The following PMPCB variants were observed in gnomAD, a reference collection of about 807,000 sequenced individuals.
PMPCB encodes peptidase, mitochondrial processing subunit beta.
Under a neutral mutation model 61.5 loss-of-function variants are expected in PMPCB, and 46 were observed. The ratio of observed to expected loss-of-function variants is 0.75; its 90% CI spans 0.59 to 0.96. PMPCB has a LOEUF of 0.96. Among genes scored for constraint, PMPCB ranks in the 40% least tolerant of loss-of-function variants. The pLI, the probability that PMPCB is intolerant of heterozygous loss-of-function variation, is 0.00. For synonymous variants in PMPCB, 191 were observed against 201.6 expected, an observed-to-expected ratio of 0.95 and a Z score of 0.44; for missense variants, 590 against 602.4, an observed-to-expected ratio of 0.98 and a Z score of 0.22.
chr7:103,298,534 T>C, intron 1 of PMPCB, 34 bp from the exon 2 acceptor site: 2 of 1,604,778 alleles, frequency 1.2e-6, no homozygotes, highest in Non-Finnish European at 1.7e-6. Context: ...TAATGTGTTT[T>C]GCTTTGTCTC....
chr7:103,324,604 T>C (rs1019485507), intron 12 of PMPCB: 6 of 1,378,004 alleles, frequency 4.4e-6, no homozygotes, highest in African/African-American at 1.5e-5. Flanking sequence ...CTTCAAAAAT[T>C]ATGTACAACA....
chr7:103,341,712 G>T, the PMPCB span: 2 of 1,390,064 alleles, frequency 1.4e-6, no homozygotes, highest in East Asian at 4.7e-5. Flanking sequence ...TAAGAAAATT[G>T]TCTATGTCTA....
exon 13 of PMPCB, chr7:103,314,680 TAACTCAGCCA>T (rs1363447757): frequency 1.0e-6 from 1 of 983,552 alleles, no homozygotes; most frequent in East Asian, 1.1e-4. Context: ...AAATAATGCC[TAACTCAGCCA>T]AACAAGTCAC....
the PMPCB span, among the ~76,000 whole-genome samples, chr7:103,342,542 T>A: frequency 2.0e-5 from 3 of 152,018 alleles, no homozygotes; most frequent in Non-Finnish European, 1.5e-5. Flanking sequence ...CGACCTCAGG[T>A]GATCTGCCTG....
rs1443133256 is a variant in PMPCB, at chr7:103,303,882, G to A, written c.498G>A (p.Leu166=). 1.9e-6 allele frequency: 3 copies of A among 1,613,656 alleles called. No individual in the cohort carries two copies. In the South Asian group the frequency reaches 3.3e-5, roughly 18 times the overall value. ...CTGATATAATACAAAACAGCACATT[G>A]GGAGAAGCAGAGATTGAACGTGAGC... The part of the protein sequence containing the change: ...ILADIIQNST[L]GEAEIERERG... The change falls in exon 5 of 13, where the codon TTG becomes TTA. Residue 166 remains leucine (L), a synonymous_variant. Coordinates refer to ENST00000249269, the MANE Select transcript of PMPCB (RefSeq NM_004279.3).
intron 12 of PMPCB, chr7:103,327,329 T>TA (rs563045749): frequency 4.7e-6 from 6 of 1,283,170 alleles, no homozygotes; most frequent in Non-Finnish European, 6.1e-6. Context: ...ATAGAACACT[T>TA]ACATGAATTA....
downstream of PMPCB, among the ~76,000 whole-genome samples, chr7:103,315,021 G>A (rs1817968615): frequency 6.6e-6 from 1 of 152,090 alleles, no homozygotes; most frequent in Non-Finnish European, 1.5e-5. Context: ...AGTTTCACAA[G>A]TATACCCACC....
chr7:103,327,322 G>C (rs1215547331), intron 12 of PMPCB: 1 of 1,252,950 alleles, frequency 8.0e-7, no homozygotes. Flanking sequence ...TCATTAAATA[G>C]AACACTTACA....
At position 103,310,345 on chromosome 7, in the gene PMPCB, T is replaced by G; in HGVS notation, c.1024T>G (p.Cys342Gly). The change falls in exon 9 of 13, where the codon TGT becomes GGT. Residue 342 changes from cysteine (C) to glycine (G), a missense_variant. Physicochemically the swap from Cys to Gly is radical, Grantham distance 159. Coordinates refer to ENST00000249269, the MANE Select transcript of PMPCB (RefSeq NM_004279.3). ...ATCTAGCAAGCTGGCCCAGCTCACT[T>G]GTCATGGCAATCTTTGCCATAGCTT... ...NLSSKLAQLTCHGNLCHSFQS... is the reference protein window; with the variant it reads ...NLSSKLAQLTGHGNLCHSFQS... 1 of 1,613,740 alleles carries G rather than the reference T, an allele frequency of 6.2e-7. No individual in the cohort carries two copies. Among genetic ancestry groups the G allele is most frequent in the East Asian group, 2.2e-5 (1 of 44,844 alleles).
In PMPCB at chr7:103,312,892, A is replaced by G. The variant is rs907672742; in HGVS notation, c.*621A>G. 4 of 1,571,936 alleles carry G rather than the reference A, an allele frequency of 2.5e-6. No individual in the cohort carries two copies. Among genetic ancestry groups the G allele is most frequent in the Non-Finnish European group, 3.4e-6 (4 of 1,164,680 alleles). On this transcript the variant is annotated 3_prime_UTR_variant, in exon 13 of 13. Transcript: ENST00000249269. ...TTAATAGACATAAAATATGAGCTAT[A>G]TCACCCAAGCTACAATTTAAAATAC...
At chr7:103,307,516 A>G (rs1817621917) in intron 6 of PMPCB, 80 bp from the exon 7 acceptor site, 2 of 788,460 alleles carry the variant, frequency 2.5e-6, no homozygotes, top group Non-Finnish European at 2.2e-6. Flanking sequence ...TGTGTAATGT[A>G]CATCACATTA....
chr7:103,304,131 GT>G, intron 5 of PMPCB, 91 bp downstream of exon 5: 1 of 1,047,110 alleles, frequency 9.6e-7, no homozygotes. Flanking sequence ...GTTTCAGAAA[GT>G]AATTTTCCCC....
the PMPCB span, among the ~76,000 whole-genome samples, chr7:103,342,247 T>C: frequency 1.3e-5 from 2 of 151,872 alleles, no homozygotes; most frequent in Admixed American, 6.6e-5. Flanking sequence ...ATGAGTAAGG[T>C]GAGGAACAGG....
chr7:103,303,037 T>C (rs1321939124), intron 4 of PMPCB, among the ~76,000 whole-genome samples: 1 of 152,198 alleles, frequency 6.6e-6, no homozygotes, highest in Non-Finnish European at 1.5e-5. Flanking sequence ...AATTGCTTAA[T>C]GGCCTAATAT....
chr7:103,321,828 A>G (rs1818436615), intron 12 of PMPCB: 12 of 1,328,296 alleles, frequency 9.0e-6, no homozygotes, highest in Non-Finnish European at 1.2e-5. Context: ...AGCCTGGGCG[A>G]CAGAGCGAGA....
Position 103,313,718 on chromosome 7 carries a change from A to T in PMPCB, c.*1447A>T. On this transcript the variant is annotated 3_prime_UTR_variant, in exon 13 of 13. Transcript: ENST00000249269. ...ATGCTGAACACTTCCAATAACTGCT[A>T]TTGTGGTTCTTCAACTAAACCTTGT... is the stretch of plus-strand genomic sequence containing the variant. The T allele has an allele frequency of 1.0e-6, 1 of 985,306 alleles. No homozygotes were observed. The allele number at this position is 985,306 out of a possible 1,614,324, so 61.0% of individuals were successfully genotyped here.
In PMPCB at chr7:103,309,114, A is replaced by G. The variant is rs535905489; in HGVS notation, c.993+19A>G. On this transcript the variant is annotated intron_variant, in intron 8 of 12. Transcript: ENST00000249269. ...AGGAATGGTAAGTGATTTTAAAAGAAATTTTCCATAACAGATGGAAGATTA... is the reference window on the plus strand; with the variant it reads ...AGGAATGGTAAGTGATTTTAAAAGAGATTTTCCATAACAGATGGAAGATTA... The G allele has an allele frequency of 1.3e-6, 2 of 1,572,850 alleles. No individual in the cohort carries two copies. The highest frequency in any genetic ancestry group is 1.9e-5 in the Admixed American group (1 of 51,724).
At chr7:103,331,405 C>T (rs1818964342), downstream of PMPCB, among the ~76,000 whole-genome samples, 1 of 152,192 alleles carries the variant, frequency 6.6e-6, no homozygotes, top group African/African-American at 2.4e-5. Context: ...ATATACAATA[C>T]ATCATTGTTA....
chr7:103,298,416 C>T, intron 1 of PMPCB, 152 bp from the exon 2 acceptor site: 1 of 743,552 alleles, frequency 1.3e-6, no homozygotes, highest in Non-Finnish European at 2.2e-6. Context: ...GTTTCTAGGC[C>T]AGGCAGAGAT....
Sources: allele counts gnomAD v4.1 joint callset (sites outside exome capture counted in the v4.1 genomes callset), GRCh38; gene constraint gnomAD v4.1.1; transcripts MANE v1.5; gene names NCBI Gene and HGNC (gene_info 2026-07-23, HGNC 2026-07-21).